Variants in SGSM1 observed in about 807,000 individuals in gnomAD.
SGSM1 encodes the protein small G protein signaling modulator 1, also known as RUN and TBC1 domain containing 2.
Under a neutral mutation model 133.8 loss-of-function variants are expected in SGSM1, and 73 were observed. The ratio of observed to expected loss-of-function variants is 0.55; its 90% confidence interval spans 0.45 to 0.66. SGSM1 has a LOEUF of 0.66. Ranked by LOEUF, SGSM1 falls within the 30% of genes least tolerant of loss-of-function variation. The pLI, the probability that SGSM1 is intolerant of heterozygous loss-of-function variation, is 0.00. For synonymous variants in SGSM1, 563 were observed against 573.0 expected (o/e 0.98, Z 0.25); for missense variants, 1,213 against 1,448.1 (o/e 0.84, Z 2.64).
chr22:24,845,328 A>T (rs1416422190), intron 3 of SGSM1, among the ~76,000 whole-genome samples: 2 of 152,066 alleles, frequency 1.3e-5, no homozygotes, highest in East Asian at 1.9e-4. Flanking sequence ...GGGGACTTTT[A>T]AAAAAGGGAA....
intron 2 of SGSM1, among the ~76,000 whole-genome samples, chr22:24,836,332 T>C (rs959814479): frequency 2.0e-5 from 3 of 152,220 alleles, no homozygotes; most frequent in Non-Finnish European, 2.9e-5. Flanking sequence ...GTAGACCACA[T>C]TTTGTCTATC....
rs530938517 is a variant in SGSM1, at chr22:24,911,112, TGTGGTCCCA to T, written c.2819-1529_2819-1521del. 1.4e-4 allele frequency among the ~76,000 whole-genome samples: 22 copies of T among 152,016 alleles called. No homozygotes were observed. In the South Asian group the frequency reaches 4.2e-3, roughly 29 times the overall value. On this transcript the variant is annotated intron_variant, in intron 21 of 24. Transcript: ENST00000400358. ...TTAGCCAGGTGTGTTGGCAGACACC[TGTGGTCCCA>T]GCTACTCAGGAGGCTGAGGCAGGAG...
chr22:24,898,119 C>T lies in SGSM1; in HGVS notation c.2170C>T (p.Leu724Phe). The change falls in exon 19 of 25, where the codon CTC (leucine) becomes TTC (phenylalanine). Residue 724 changes from leucine (L) to phenylalanine (F), a missense_variant. Coordinates refer to ENST00000400358, the MANE Select transcript of SGSM1 (RefSeq NM_001098497.3). ...HPSSHNFSSG[L>F]SEHSEPSLST... is the part of the protein sequence containing the mutation. Reference sequence around the variant, plus strand: ...TTCCTCCCATAACTTCTCCTCGGGCCTCTCAGAGCACTCAGAGCCCAGTCT... The same window carrying T: ...TTCCTCCCATAACTTCTCCTCGGGCTTCTCAGAGCACTCAGAGCCCAGTCT... 1 of 1,613,982 alleles carries T rather than the reference C, an allele frequency of 6.2e-7. No individual in the cohort carries two copies. Among genetic ancestry groups the T allele is most frequent in the Non-Finnish European group, 8.5e-7 (1 of 1,179,882 alleles).
At chr22:24,878,643 A>G (rs2147889720) in intron 13 of SGSM1, among the ~76,000 whole-genome samples, 1 of 152,330 alleles carries the variant, frequency 6.6e-6, no homozygotes, top group South Asian at 2.1e-4. Context: ...CACTCCCTTC[A>G]GCAGTCCTGG....
intron 4 of SGSM1, among the ~76,000 whole-genome samples, chr22:24,849,654 G>A (rs1485481696): frequency 1.3e-5 from 2 of 152,234 alleles, no homozygotes; most frequent in African/African-American, 2.4e-5. Context: ...TCCAGAGGCT[G>A]ACAGAGTACA....
intron 16 of SGSM1, among the ~76,000 whole-genome samples, chr22:24,890,006 G>A (rs1383203742): frequency 6.9e-6 from 1 of 145,484 alleles, no homozygotes; most frequent in South Asian, 2.2e-4. Context: ...GCCCAGGCTG[G>A]AGTGCAGTGG....
At chr22:24,807,290 T>C (rs1413909422) in intron 2 of SGSM1, among the ~76,000 whole-genome samples, 1 of 151,870 alleles carries the variant, frequency 6.6e-6, no homozygotes, top group Non-Finnish European at 1.5e-5. Context: ...GGTGAGGACC[T>C]GTGGCTGTGA....
intron 5 of SGSM1, 119 bp downstream of exon 5, chr22:24,850,551 A>T: frequency 1.5e-6 from 2 of 1,374,268 alleles, no homozygotes; most frequent in Non-Finnish European, 1.9e-6. Flanking sequence ...ACTAAATTTG[A>T]AAGTGATTAA....
At position 24,868,778 on chromosome 22, in the gene SGSM1, C is replaced by T; in HGVS notation, c.1214C>T (p.Thr405Ile). The T allele has an allele frequency of 6.2e-7, 1 of 1,614,050 alleles. No homozygotes were observed. Among genetic ancestry groups the T allele is most frequent in the Non-Finnish European group, 8.5e-7 (1 of 1,179,898 alleles). The change falls in exon 12 of 25, where the codon ACA becomes ATA. Residue 405 changes from threonine to isoleucine, a missense_variant. By Grantham distance (89) the Thr-to-Ile change is moderately conservative (BLOSUM62 -1). Coordinates refer to ENST00000400358, the MANE Select transcript of SGSM1 (RefSeq NM_001098497.3). Reference sequence around the variant, plus strand: ...AGCCCTCAGGGTTCTGCCGAGTCCACATCTTCAGACAAAGATGATGATGAG... The same window carrying T: ...AGCCCTCAGGGTTCTGCCGAGTCCATATCTTCAGACAAAGATGATGATGAG... The part of the protein sequence containing the change: ...KRSPQGSAES[T>I]SSDKDDDEAT...
chr22:24,878,700 C>T (rs376675635), intron 13 of SGSM1, among the ~76,000 whole-genome samples: 1 of 152,124 alleles, frequency 6.6e-6, no homozygotes, highest in African/African-American at 2.4e-5. Flanking sequence ...CTCTTTCAGC[C>T]GAAAAAGTTC....
chr22:24,856,343 TCAGA>T (rs1930785035), intron 8 of SGSM1, among the ~76,000 whole-genome samples: 1 of 151,924 alleles, frequency 6.6e-6, no homozygotes, highest in African/African-American at 2.4e-5. Context: ...CTCAGTATTA[TCAGA>T]TGGTAATACT....
chr22:24,853,769 A>ATTTTTTTTTTTTT (rs57736929), intron 5 of SGSM1, among the ~76,000 whole-genome samples: 99 of 123,444 alleles, frequency 8.0e-4, no homozygotes, highest in African/African-American at 2.7e-3. Flanking sequence ...CGCCTGGTGA[A>ATTTTTTTTTTTTT]TTTTTTTTTT....
chr22:24,875,005 A>G (rs1423227935), intron 12 of SGSM1, among the ~76,000 whole-genome samples: 1 of 152,226 alleles, frequency 6.6e-6, no homozygotes, highest in African/African-American at 2.4e-5. Flanking sequence ...ATTACATCGT[A>G]CAGGCAGCTT....
At chr22:24,826,497 G>A (rs1368238492) in intron 2 of SGSM1, among the ~76,000 whole-genome samples, 1 of 152,316 alleles carries the variant, frequency 6.6e-6, no homozygotes, top group East Asian at 1.9e-4. Context: ...TGGTGTTAGT[G>A]TTACTAATGT....
At chr22:24,884,340 C>T (rs1411230199) in intron 15 of SGSM1, 142 bp downstream of exon 15, 1 of 1,117,302 alleles carries the variant, frequency 9.0e-7, no homozygotes, top group Admixed American at 3.0e-5. Context: ...AGTTCCCCTT[C>T]TCCTTGAGAG....
At chr22:24,887,892 C>T (rs1932707681) in intron 16 of SGSM1, among the ~76,000 whole-genome samples, 1 of 152,204 alleles carries the variant, frequency 6.6e-6, no homozygotes, top group Non-Finnish European at 1.5e-5. Context: ...ATTTCAGCCA[C>T]CTGACATGGA....
intron 21 of SGSM1, among the ~76,000 whole-genome samples, chr22:24,906,510 C>T (rs1933385911): frequency 6.6e-6 from 1 of 152,218 alleles, no homozygotes; most frequent in Non-Finnish European, 1.5e-5. Context: ...ATAATTAAAA[C>T]TGATAAGTGT....
At chr22:24,884,358 A>C (rs1414581775) in intron 15 of SGSM1, among the ~76,000 whole-genome samples, 160 bp downstream of exon 15, 1 of 152,212 alleles carries the variant, frequency 6.6e-6, no homozygotes, top group South Asian at 2.1e-4. Flanking sequence ...GAGTTCCAAG[A>C]CCTACAGCTC....
Position 24,844,938 on chromosome 22 carries a change from C to T in SGSM1, c.105C>T (p.Val35=). The stretch of plus-strand genomic sequence containing the variant: ...AGGAGGCTGTGACACGCAAGTTTGT[C>T]CACGAAGACAGCAGCCACATCATCT... ...IMEEAVTRKF[V]HEDSSHIISF... Residue 35 remains valine, a synonymous_variant, in exon 3 of 25, where the codon GTC becomes GTT. Coordinates refer to ENST00000400358, the MANE Select transcript of SGSM1 (RefSeq NM_001098497.3). 1 of 1,613,818 alleles carries T rather than the reference C, an allele frequency of 6.2e-7. No homozygotes were observed. Among genetic ancestry groups the T allele is most frequent in the Non-Finnish European group, 8.5e-7 (1 of 1,179,868 alleles).
Sources: allele counts gnomAD v4.1 joint callset (sites outside exome capture counted in the v4.1 genomes callset), GRCh38; gene constraint gnomAD v4.1.1; transcripts MANE v1.5; gene names NCBI Gene and HGNC (gene_info 2026-07-23, HGNC 2026-07-21).